The following STAT5B variants were observed in gnomAD, a reference collection of about 807,000 sequenced individuals.
The protein encoded by STAT5B is transcription factor STAT5B.
In STAT5B, 21 loss-of-function variants were observed where a neutral mutation model predicts 107.8. The ratio of observed to expected loss-of-function variants is 0.19; its 90% CI spans 0.14 to 0.28. The LOEUF (loss-of-function observed/expected upper bound fraction) is 0.28, where lower values mean the gene tolerates loss of function less well. STAT5B is among the 10% of genes least tolerant of loss of function. The probability of loss-of-function intolerance (pLI) is 1.00; values close to 1 mark genes in which losing one functional copy is unlikely to be tolerated. For missense variants in STAT5B, 565 were observed against 1,008.2 expected (o/e 0.56, Z 5.95); for synonymous variants, 325 against 401.7 (o/e 0.81, Z 2.28).
intron 2 of STAT5B, among the ~76,000 whole-genome samples, chr17:42,231,339 TTTTGTTTG>T (rs910930071): frequency 9.2e-5 from 14 of 151,908 alleles, no homozygotes; most frequent in African/African-American, 3.4e-4. Flanking sequence ...AGGGCTTTAA[TTTTGTTTG>T]TTTGTTTGTT....
In STAT5B at chr17:42,215,868, C is replaced by T. The variant is rs1479582177; in HGVS notation, c.1473+146G>A. On this transcript the variant is annotated intron_variant, in intron 12 of 18. Coordinates refer to ENST00000293328, the MANE Select transcript of STAT5B (RefSeq NM_012448.4). The stretch of plus-strand genomic sequence containing the variant: ...AACTCCTGACCTCAGGTGATCCAAC[C>T]GCCTCGGCCTCCCAAAGTGCTGGGA... 19 of 860,210 alleles carry T rather than the reference C, an allele frequency of 2.2e-5. No individual in the cohort carries two copies. In the East Asian group the frequency reaches 3.1e-4, roughly 14 times the overall value. The allele number at this position is 860,210 out of a possible 1,614,324, so 53.3% of individuals were successfully genotyped here.
intron 1 of STAT5B, among the ~76,000 whole-genome samples, chr17:42,262,846 ATG>A (rs1238818600): frequency 5.0e-5 from 5 of 99,302 alleles, no homozygotes; most frequent in African/African-American, 2.4e-4. Flanking sequence ...ACACATATAT[ATG>A]TATATACACA....
chr17:42,269,904 T>C (rs1337336272), intron 1 of STAT5B: 3 of 152,040 alleles, frequency 2.0e-5, no homozygotes, highest in South Asian at 4.1e-4. Flanking sequence ...AATAGTTCAG[T>C]TGCCTTAAAA....
chr17:42,250,731 T>C (rs1347068897), intron 1 of STAT5B, among the ~76,000 whole-genome samples: 1 of 151,994 alleles, frequency 6.6e-6, no homozygotes, highest in East Asian at 1.9e-4. Flanking sequence ...GAGACCATCC[T>C]GGCTAGCATG....
chr17:42,214,359 A>G (rs1209430369), intron 12 of STAT5B: 198 of 985,288 alleles, frequency 2.0e-4, no homozygotes, highest in East Asian at 3.4e-4. Context: ...CAAGAGGCAG[A>G]CAGACAGTTT....
chr17:42,238,095 T>TATCC (rs60439745), intron 1 of STAT5B, among the ~76,000 whole-genome samples: 151 of 141,094 alleles, frequency 1.1e-3, no homozygotes, highest in Middle Eastern at 3.5e-3. Context: ...TAAACTTTTC[T>TATCC]ATCCATCCAT....
chr17:42,251,975 G>C, intron 1 of STAT5B, among the ~76,000 whole-genome samples: 1 of 150,514 alleles, frequency 6.6e-6, no homozygotes, highest in Non-Finnish European at 1.5e-5. Context: ...TTCCAGCCTG[G>C]GTGACAGAGC....
chr17:42,264,647 G>A (rs2080651482), intron 1 of STAT5B, among the ~76,000 whole-genome samples: 1 of 151,886 alleles, frequency 6.6e-6, no homozygotes, highest in Admixed American at 6.6e-5. Context: ...TTGCTATTGT[G>A]AATACTGCCG....
At chr17:42,252,629 C>G (rs1439585925) in intron 1 of STAT5B, among the ~76,000 whole-genome samples, 2 of 152,122 alleles carry the variant, frequency 1.3e-5, no homozygotes, top group African/African-American at 4.8e-5. Flanking sequence ...CTGTGGAGGT[C>G]ATTAATCTGA....
intron 16 of STAT5B, among the ~76,000 whole-genome samples, chr17:42,204,448 A>C (rs1417715540): frequency 1.3e-5 from 2 of 152,250 alleles, no homozygotes; most frequent in African/African-American, 4.8e-5. Flanking sequence ...GTAGCCCAAG[A>C]GGGTGAAACG....
chr17:42,271,528 C>T (rs1401605785), intron 1 of STAT5B: 8 of 152,156 alleles, frequency 5.3e-5, no homozygotes. Context: ...CCTCAGAAAA[C>T]TAGCATAGAA....
Position 42,227,602 on chromosome 17 carries a change from T to G in STAT5B, c.212A>C (p.Lys71Thr). 6.2e-7 allele frequency: 1 copy of G among 1,614,014 alleles called. No individual in the cohort carries two copies. Among genetic ancestry groups the G allele is most frequent in the African/African-American group, 1.3e-5 (1 of 75,026 alleles). ...ATCTTCCCCCACCTGGTGCTCTGCC[T>G]TCTTCTGCAGCTCCTGCACCAGGCC... is the stretch of plus-strand genomic sequence containing the variant. ...LEGLVQELQK[K>T]AEHQVGEDGF... The change falls in exon 3 of 19, where the codon AAG becomes ACG. Residue 71 changes from lysine to threonine, a missense_variant. Around this residue, in one of 11 missense-constraint regions of STAT5B, gnomAD observed 83 missense variants for 145.1 expected, o/e 0.57. Coordinates refer to ENST00000293328, the MANE Select transcript of STAT5B (RefSeq NM_012448.4).
chr17:42,228,049 T>C (rs1011195213), intron 2 of STAT5B, among the ~76,000 whole-genome samples: 4 of 152,158 alleles, frequency 2.6e-5, no homozygotes, highest in Non-Finnish European at 4.4e-5. Context: ...TAATTTCCTA[T>C]TTATAGTTAC....
At chr17:42,225,287 TCAGGTGATC>T (rs1025953396) in intron 3 of STAT5B, among the ~76,000 whole-genome samples, 2 of 152,194 alleles carry the variant, frequency 1.3e-5, no homozygotes, top group Admixed American at 6.5e-5. Context: ...ACTCCTGACC[TCAGGTGATC>T]CACCTGCCTT....
intron 1 of STAT5B, among the ~76,000 whole-genome samples, chr17:42,260,417 G>GT (rs947054824): frequency 1.2e-3 from 182 of 151,010 alleles, no homozygotes; most frequent in Non-Finnish European, 1.8e-3. Context: ...GGGTTCGTTT[G>GT]TTTTTTTTTG....
intron 1 of STAT5B, among the ~76,000 whole-genome samples, chr17:42,273,037 A>G (rs1296485409): frequency 6.6e-6 from 1 of 152,200 alleles, no homozygotes; most frequent in Admixed American, 6.5e-5. Flanking sequence ...TCAAGATTTT[A>G]CTTCAAATAA....
At position 42,273,806 on chromosome 17, in the gene STAT5B, C is replaced by A. The variant is rs574429328; in HGVS notation, c.-11+2442G>T. On this transcript the variant is annotated intron_variant, in intron 1 of 18. Coordinates refer to ENST00000293328, the MANE Select transcript of STAT5B (RefSeq NM_012448.4). ...ATGGATTCATAATATATAAGCCTAA[C>A]AAAAATTACAGACAATTTGAATACT... 4.0e-5 allele frequency among the ~76,000 whole-genome samples: 6 copies of A among 151,548 alleles called. No homozygotes were observed. In the South Asian group the frequency reaches 1.2e-3, roughly 31 times the overall value.
At chr17:42,262,839 CATAT>C (rs1350946306) in intron 1 of STAT5B, among the ~76,000 whole-genome samples, 1,230 of 100,764 alleles carry the variant, frequency 0.012, 26 homozygotes, top group African/African-American at 0.05. Context: ...TATATACACA[CATAT>C]ATATGTATAT....
rs2080051987 is a variant in STAT5B at position 42,202,361 on chromosome 17, T to G, written c.2216A>C (p.His739Pro). 2 of 1,614,086 alleles carry G rather than the reference T, an allele frequency of 1.2e-6. No homozygotes were observed. Among genetic ancestry groups the G allele is most frequent in the Admixed American group, 1.7e-5 (1 of 60,006 alleles). The change falls in exon 18 of 19, where the codon CAC (histidine) becomes CCC (proline). Residue 739 changes from histidine to proline, a missense_variant. Around this residue, in one of 11 missense-constraint regions of STAT5B, gnomAD observed 76 missense variants for 110.2 expected, o/e 0.69. Transcript: ENST00000293328. ...APSPAVCPQA[H>P]YNMYPQNPDS... ...CTACTTCTGTGGGTACATGTTATAG[T>G]GAGCCTGGGGACACACAGCTGGGGA...
Sources: gnomAD v4.1 joint callset for allele counts (sites outside exome capture counted in the v4.1 genomes callset) on GRCh38, gnomAD v4.1.1 for gene constraint, gnomAD v4.1.1 regional missense constraint, MANE v1.5 for transcripts, NCBI Gene and HGNC (gene_info 2026-07-23, HGNC 2026-07-21) for gene names.